The following RAPGEF2 variants were observed in gnomAD, a reference collection of about 807,000 sequenced individuals.
The protein encoded by RAPGEF2 is Rap guanine nucleotide exchange factor 2, also known as PDZ domain containing guanine nucleotide exchange factor (GEF) 1.
RAPGEF2 carries 54 observed loss-of-function variants against 186.7 expected under a neutral mutation model. That is an observed-to-expected ratio of 0.29 (90% CI 0.23 to 0.36). The LOEUF (loss-of-function observed/expected upper bound fraction) is 0.36. Among genes scored for constraint, RAPGEF2 ranks in the 10% least tolerant of loss-of-function variants. The pLI is 1.00. For synonymous variants in RAPGEF2, 712 were observed against 705.9 expected (o/e 1.01, Z -0.14); for missense variants, 1,532 against 2,045.0 (o/e 0.75, Z 4.84).
Position 159,104,249 on chromosome 4 carries a change from G to T in RAPGEF2, c.69+18G>T. ...CCCCCCAGGTGAGAACGCGGCGGCCGCCTGCCCTTGGCCGGATTTCTGCCT... is the reference window on the plus strand; with the variant it reads ...CCCCCCAGGTGAGAACGCGGCGGCCTCCTGCCCTTGGCCGGATTTCTGCCT... On this transcript the variant is annotated intron_variant, in intron 1 of 29. Coordinates refer to ENST00000691494, the MANE Select transcript of RAPGEF2 (RefSeq NM_001394067.2). 7.3e-7 allele frequency: 1 copy of T among 1,375,056 alleles called. No homozygotes were observed. The highest frequency in any genetic ancestry group is 9.5e-7 in the Non-Finnish European group (1 of 1,055,982). The allele number at this position is 1,375,056 out of a possible 1,614,324, so 85.2% of individuals were successfully genotyped here.
At chr4:159,342,553 ATTATTTTATTTTATTTTATT>A (rs1159754910) in intron 20 of RAPGEF2, among the ~76,000 whole-genome samples, 193 of 71,934 alleles carry the variant, frequency 2.7e-3, no homozygotes, top group Middle Eastern at 0.014. Flanking sequence ...TTTATTTTAT[ATTATTTTATTTTATTTTATT>A]TTATTTTATT....
chr4:159,123,892 C>T (rs1739996225), intron 1 of RAPGEF2, among the ~76,000 whole-genome samples: 1 of 148,964 alleles, frequency 6.7e-6, no homozygotes, highest in Non-Finnish European at 1.5e-5. Context: ...TTTCACTCTT[C>T]TTGCCCAGGC....
chr4:159,253,997 G>A (rs965899985), intron 7 of RAPGEF2, among the ~76,000 whole-genome samples: 1 of 152,158 alleles, frequency 6.6e-6, no homozygotes, highest in Non-Finnish European at 1.5e-5. Flanking sequence ...ACTTACGACT[G>A]GAATAATTGC....
intron 7 of RAPGEF2, among the ~76,000 whole-genome samples, chr4:159,270,677 C>T (rs1486703847): frequency 5.3e-5 from 8 of 152,038 alleles, no homozygotes; most frequent in Admixed American, 4.6e-4. Context: ...CCTCAGTTGC[C>T]GGCACATAAT....
chr4:159,276,144 A>G (rs1185613729), intron 7 of RAPGEF2, among the ~76,000 whole-genome samples: 1 of 152,174 alleles, frequency 6.6e-6, no homozygotes, highest in Non-Finnish European at 1.5e-5. Context: ...ATGATTCTAT[A>G]GTCACTGGGC....
intron 17 of RAPGEF2, among the ~76,000 whole-genome samples, chr4:159,334,094 G>C (rs1427154180): frequency 6.6e-6 from 1 of 152,154 alleles, no homozygotes; most frequent in African/African-American, 2.4e-5. Context: ...GTATTTATAG[G>C]CTCAAGAGGA....
intron 4 of RAPGEF2, among the ~76,000 whole-genome samples, chr4:159,231,451 G>GT (rs1483937392): frequency 6.6e-6 from 1 of 151,808 alleles, no homozygotes; most frequent in Non-Finnish European, 1.5e-5. Flanking sequence ...TTAAACAAAA[G>GT]TTTCTCACAT....
Position 159,132,308 on chromosome 4 carries a change from T to C in RAPGEF2, c.69+28077T>C, listed in dbSNP as rs1000374044. Among the ~76,000 whole-genome samples, 5 of 152,246 alleles carry C rather than the reference T, an allele frequency of 3.3e-5. 1 individual carries two copies. The highest frequency in any genetic ancestry group is 1.2e-4 in the African/African-American group (5 of 41,460). On this transcript the variant is annotated intron_variant, in intron 1 of 29. Transcript: ENST00000691494. ...CTTTGCTAGATTTTGGAATGTGGGC[T>C]CTCAAGGAGACTTAAGTTCTTCCGA...
intron 1 of RAPGEF2, among the ~76,000 whole-genome samples, chr4:159,111,545 A>G (rs1055558284): frequency 2.0e-5 from 3 of 152,202 alleles, no homozygotes; most frequent in African/African-American, 4.8e-5. Flanking sequence ...AAAACGGAGA[A>G]GAAAGGTAGA....
chr4:159,151,267 C>G (rs1318350389), intron 1 of RAPGEF2, among the ~76,000 whole-genome samples: 1 of 152,124 alleles, frequency 6.6e-6, no homozygotes, highest in African/African-American at 2.4e-5. Flanking sequence ...CTCATAGTTG[C>G]TCACAGCTGC....
At chr4:159,131,001 T>C (rs144886165) in intron 1 of RAPGEF2, among the ~76,000 whole-genome samples, 19 of 151,874 alleles carry the variant, frequency 1.3e-4, no homozygotes, top group African/African-American at 4.6e-4. Flanking sequence ...CCAGCTATTA[T>C]TATTTTAACT....
At chr4:159,165,459 A>G (rs1473208195) in intron 1 of RAPGEF2, among the ~76,000 whole-genome samples, 3 of 152,180 alleles carry the variant, frequency 2.0e-5, no homozygotes, top group African/African-American at 4.8e-5. Flanking sequence ...ATATATCTCT[A>G]TCTGTATACA....
chr4:159,343,981 C>A, intron 22 of RAPGEF2, 55 bp from the exon 23 acceptor site: 1 of 1,511,076 alleles, frequency 6.6e-7, no homozygotes, highest in Middle Eastern at 1.7e-4. Context: ...AGCTTGTGAT[C>A]TTTCTGTCTC....
intron 1 of RAPGEF2, among the ~76,000 whole-genome samples, chr4:159,114,650 A>G (rs1359965882): frequency 6.6e-6 from 1 of 152,264 alleles, no homozygotes; most frequent in Admixed American, 6.5e-5. Flanking sequence ...TAAGTAGATC[A>G]CAATATTTGT....
At position 159,330,515 on chromosome 4, in the gene RAPGEF2, AT is replaced by A. The variant is rs1561292229; in HGVS notation, c.1467+21del. On this transcript the variant is annotated intron_variant, in intron 13 of 29. Transcript: ENST00000691494. ...AGGGATAAGGTTGGAAATATATTCT[AT>A]TTTGTCTCTTAAATATGAAATGTAA... 1 of 1,566,630 alleles carries A rather than the reference AT, an allele frequency of 6.4e-7. No individual in the cohort carries two copies. The highest frequency in any genetic ancestry group is 1.2e-5 in the South Asian group (1 of 84,214).
intron 19 of RAPGEF2, among the ~76,000 whole-genome samples, chr4:159,339,941 T>C (rs1729155560): frequency 6.6e-6 from 1 of 152,206 alleles, no homozygotes; most frequent in South Asian, 2.1e-4. Context: ...GCTGCAGAAG[T>C]GCTTATATCA....
intron 7 of RAPGEF2, among the ~76,000 whole-genome samples, chr4:159,285,220 A>G (rs1760298716): frequency 6.6e-6 from 1 of 152,202 alleles, no homozygotes; most frequent in Non-Finnish European, 1.5e-5. Flanking sequence ...GTTTATAAGC[A>G]CCAGAGAATC....
intron 7 of RAPGEF2, among the ~76,000 whole-genome samples, chr4:159,265,121 G>T (rs1388736825): frequency 2.0e-5 from 3 of 152,096 alleles, no homozygotes; most frequent in Non-Finnish European, 4.4e-5. Context: ...GATTAAATGG[G>T]GTCTTTCTAG....
chr4:159,246,172 C>T (rs1423446367), intron 7 of RAPGEF2, among the ~76,000 whole-genome samples: 2 of 152,130 alleles, frequency 1.3e-5, no homozygotes, highest in African/African-American at 4.8e-5. Context: ...ATATACACTG[C>T]AGAGTACTGT....
Sources: gnomAD v4.1 joint callset for allele counts (sites outside exome capture counted in the v4.1 genomes callset) on GRCh38, gnomAD v4.1.1 for gene constraint, MANE v1.5 for transcripts, NCBI Gene and HGNC (gene_info 2026-07-23, HGNC 2026-07-21) for gene names.